Variants in ARID1B observed in about 807,000 individuals in gnomAD.
ARID1B encodes the protein AT-rich interactive domain-containing protein 1B.
A neutral mutation model predicts 212.3 loss-of-function variants in ARID1B; 30 were observed. The observed-to-expected ratio is 0.14, with a 90% CI of 0.11 to 0.19. ARID1B has a LOEUF of 0.19. Ranked by LOEUF, ARID1B falls within the 10% of genes least tolerant of loss-of-function variation. ARID1B has a pLI of 1.00. For synonymous variants in ARID1B, 1,402 were observed against 1,301.7 expected, an observed-to-expected ratio of 1.08 and a Z score of -1.66; for missense variants, 2,891 against 3,204.0, an observed-to-expected ratio of 0.90 and a Z score of 2.36.
chr6:157,057,001 T>C (rs1455970500), intron 4 of ARID1B, among the ~76,000 whole-genome samples: 1 of 143,922 alleles, frequency 6.9e-6, no homozygotes, highest in Non-Finnish European at 1.5e-5. Context: ...ACCCCAGTTG[T>C]TTGAATTTTT....
intron 2 of ARID1B, among the ~76,000 whole-genome samples, chr6:156,891,758 T>G (rs1562463619): frequency 1.3e-5 from 2 of 152,282 alleles, no homozygotes; most frequent in South Asian, 2.1e-4. Context: ...ACCAGTTCCC[T>G]GTTGATGGAC....
intron 4 of ARID1B, among the ~76,000 whole-genome samples, chr6:157,044,431 C>T (rs763970795): frequency 6.6e-6 from 1 of 152,064 alleles, no homozygotes; most frequent in Non-Finnish European, 1.5e-5. Flanking sequence ...ATGATGCAGT[C>T]GTTAACTATA....
At chr6:156,892,043 CTT>C (rs1047406340) in intron 2 of ARID1B, among the ~76,000 whole-genome samples, 5,399 of 115,094 alleles carry the variant, frequency 0.047, 365 homozygotes, top group African/African-American at 0.16. Context: ...AGCGAATTTT[CTT>C]TTTTTTTTTT....
chr6:157,196,357 A>ACC (rs754209345), intron 16 of ARID1B, 42 bp downstream of exon 16: 2 of 1,570,910 alleles, frequency 1.3e-6, no homozygotes, highest in Non-Finnish European at 1.7e-6. Flanking sequence ...TTTACTAGAA[A>ACC]CCGTGCTTTC....
intron 4 of ARID1B, among the ~76,000 whole-genome samples, chr6:156,978,248 C>CT (rs1375340595): frequency 6.6e-6 from 1 of 152,224 alleles, no homozygotes; most frequent in Non-Finnish European, 1.5e-5. Flanking sequence ...GCACCTTGGC[C>CT]TGGAAATGTG....
At chr6:157,024,316 CTTT>C (rs1780518002) in intron 4 of ARID1B, 1 of 152,200 alleles carries the variant, frequency 6.6e-6, no homozygotes, top group Non-Finnish European at 1.5e-5. Context: ...TGACAAGTTT[CTTT>C]TTATGTTTGG....
Position 156,779,280 on chromosome 6 carries a change from T to C in ARID1B, c.1600T>C (p.Ser534Pro), listed in dbSNP as rs1438676618. ...SSPSAPPPPP[S>P]QPQSQAAAAG... ...CCCCAGCGCGCCGCCGCCGCCGCCG[T>C]CGCAGCCCCAGTCCCAGGCGGCGGC... Residue 534 changes from serine (S) to proline (P), a missense_variant, in exon 1 of 20, where the codon TCG (serine) becomes CCG (proline). Transcript: ENST00000636930. 1.8e-6 allele frequency: 2 copies of C among 1,098,410 alleles called. No homozygotes were observed. Among genetic ancestry groups the C allele is most frequent in the African/African-American group, 1.8e-5 (1 of 55,148 alleles). The allele number at this position is 1,098,410 out of a possible 1,614,324, so 68.0% of individuals were successfully genotyped here. A position where few individuals can be genotyped will look rare whatever the true frequency, so the allele number is the denominator to read the frequency against.
In ARID1B at chr6:156,988,413, CAG is replaced by C. The variant is rs376081194; in HGVS notation, c.2247+52838_2247+52839del. Among the ~76,000 whole-genome samples, 14 of 152,188 alleles carry C rather than the reference CAG, an allele frequency of 9.2e-5. No homozygotes were observed. In the East Asian group the frequency reaches 1.7e-3, roughly 19 times the overall value. On this transcript the variant is annotated intron_variant, in intron 4 of 19. Coordinates refer to ENST00000636930, the MANE Select transcript of ARID1B (RefSeq NM_001374828.1). ...CTGCCACTGTTTTTTGTGCTTATCT[CAG>C]GGGATTCGCTGCAAACCATGGTGAG... is the stretch of plus-strand genomic sequence containing the variant.
Position 157,198,813 on chromosome 6 carries a change from A to G in ARID1B, c.4385A>G (p.His1462Arg), listed in dbSNP as rs1301271574. Residue 1462 changes from histidine (H) to arginine (R), a missense_variant and splice_region_variant, in exon 17 of 20, where the codon CAT (histidine) becomes CGT (arginine). His to Arg is a conservative substitution (Grantham distance 29). Transcript: ENST00000636930. ...TTTCTTTGAATGCCTCATTCCAGGC[A>G]TGAACCTTATGGGCAGCAGTATCCA... ...FPYGASYDRR[H>R]EPYGQQYPGQ... The G allele has an allele frequency of 1.2e-6, 2 of 1,611,026 alleles. No individual in the cohort carries two copies.
At chr6:157,118,742 T>C (rs1401116788) in intron 6 of ARID1B, among the ~76,000 whole-genome samples, 2 of 152,226 alleles carry the variant, frequency 1.3e-5, no homozygotes, top group Admixed American at 6.5e-5. Flanking sequence ...TTAAGCCAGC[T>C]ATCCAGAAAT....
At position 157,059,382 on chromosome 6, in the gene ARID1B, G is replaced by A. The variant is rs546278061; in HGVS notation, c.2248-25280G>A. On this transcript the variant is annotated intron_variant, in intron 4 of 19. Transcript: ENST00000636930. Reference sequence around the variant, plus strand: ...TTTTAGAGAGATAAAGTTACTTATCGTGTTTTCCTTTCTTACCTGAAATCT... The same window carrying A: ...TTTTAGAGAGATAAAGTTACTTATCATGTTTTCCTTTCTTACCTGAAATCT... Among the ~76,000 whole-genome samples the A allele has an allele frequency of 4.6e-5, 7 of 152,186 alleles. No individual in the cohort carries two copies. In the South Asian group the frequency reaches 1.2e-3, roughly 27 times the overall value.
intron 5 of ARID1B, among the ~76,000 whole-genome samples, chr6:157,105,181 C>T (rs1786362814): frequency 6.6e-6 from 1 of 152,084 alleles, no homozygotes; most frequent in Non-Finnish European, 1.5e-5. Flanking sequence ...ATCAAATAAA[C>T]TCAAGGGAGA....
chr6:156,855,360 A>G (rs1434624643), intron 2 of ARID1B, among the ~76,000 whole-genome samples: 1 of 152,218 alleles, frequency 6.6e-6, no homozygotes, highest in African/African-American at 2.4e-5. Flanking sequence ...TATTGTGTGC[A>G]AGTGTACCTT....
At chr6:156,931,252 A>G (rs1049180385) in intron 3 of ARID1B, among the ~76,000 whole-genome samples, 27 of 151,372 alleles carry the variant, frequency 1.8e-4, no homozygotes, top group African/African-American at 6.3e-4. Flanking sequence ...TCCCTTTTTA[A>G]TTTTTTAAAA....
At chr6:156,976,798 A>G (rs1583063860) in intron 4 of ARID1B, 5 of 559,908 alleles carry the variant, frequency 8.9e-6, no homozygotes, top group Admixed American at 5.7e-5. Flanking sequence ...ATCGGCAGGA[A>G]AAACTCCTAA....
intron 3 of ARID1B, among the ~76,000 whole-genome samples, chr6:156,913,695 C>G (rs539217423): frequency 1.0e-4 from 15 of 149,848 alleles, no homozygotes; most frequent in Middle Eastern, 3.4e-3. Context: ...AACAACCAGC[C>G]CGCCCCAGCC....
chr6:156,918,469 A>G (rs1402255987), intron 3 of ARID1B, among the ~76,000 whole-genome samples: 1 of 152,238 alleles, frequency 6.6e-6, no homozygotes, highest in Non-Finnish European at 1.5e-5. Context: ...GTTTTTGGAT[A>G]TTAACACAGT....
chr6:157,081,862 C>T (rs1267421064), intron 4 of ARID1B, among the ~76,000 whole-genome samples: 4 of 152,120 alleles, frequency 2.6e-5, no homozygotes, highest in Non-Finnish European at 1.5e-5. Context: ...AAAATTAAAT[C>T]TGATTTGTCC....
chr6:157,199,024 T>A, intron 17 of ARID1B, 117 bp downstream of exon 17: 2 of 863,442 alleles, frequency 2.3e-6, no homozygotes, highest in Non-Finnish European at 3.5e-6. Flanking sequence ...GATTAGTGTT[T>A]GTTGAGCATT....
Sources: allele counts gnomAD v4.1 joint callset (sites outside exome capture counted in the v4.1 genomes callset), GRCh38; gene constraint gnomAD v4.1.1; transcripts MANE v1.5; gene names NCBI Gene and HGNC (gene_info 2026-07-23, HGNC 2026-07-21).